The following SYTL3 variants were observed in gnomAD, a reference collection of about 807,000 sequenced individuals.
The protein encoded by SYTL3 is synaptotagmin-like protein 3.
A neutral mutation model predicts 82.1 loss-of-function variants in SYTL3; 88 were observed. The observed-to-expected ratio is 1.07, with a 90% confidence interval of 0.90 to 1.28. The LOEUF is 1.28. SYTL3 is among the 50% of genes most tolerant of loss of function. SYTL3 has a pLI of 0.00. For missense variants in SYTL3, 831 were observed against 757.6 expected, an observed-to-expected ratio of 1.10 and a Z score of -1.14; for synonymous variants, 311 against 289.4, an observed-to-expected ratio of 1.07 and a Z score of -0.76.
chr6:158,749,809 G>A (rs968135930), intron 12 of SYTL3, among the ~76,000 whole-genome samples: 13 of 152,132 alleles, frequency 8.5e-5, no homozygotes, highest in Non-Finnish European at 1.0e-4. Context: ...ATTCTCAAGA[G>A]ACACAAATTG....
intron 15 of SYTL3, among the ~76,000 whole-genome samples, chr6:158,761,797 C>T (rs372371980): frequency 3.9e-5 from 6 of 152,222 alleles, no homozygotes; most frequent in African/African-American, 7.2e-5. Flanking sequence ...ACTCAAACTT[C>T]GGCATCTTCC....
At chr6:158,759,419 G>A (rs1789604932) in intron 14 of SYTL3, among the ~76,000 whole-genome samples, 1 of 152,258 alleles carries the variant, frequency 6.6e-6, no homozygotes, top group Non-Finnish European at 1.5e-5. Context: ...GAGTCCTGAG[G>A]CCTCTGAGGG....
intron 12 of SYTL3, among the ~76,000 whole-genome samples, chr6:158,750,144 A>G (rs1788212555): frequency 6.6e-6 from 1 of 152,252 alleles, no homozygotes; most frequent in Non-Finnish European, 1.5e-5. Context: ...CAAATTATGG[A>G]AGAATGTATA....
intron 2 of SYTL3, among the ~76,000 whole-genome samples, chr6:158,653,894 C>G (rs897850094): frequency 6.6e-6 from 1 of 152,198 alleles, no homozygotes; most frequent in Non-Finnish European, 1.5e-5. Flanking sequence ...ACTGACTGCT[C>G]AGAGACAATA....
chr6:158,663,326 C>T lies in SYTL3; in HGVS notation c.58C>T (p.Gln20Ter). 6.2e-7 allele frequency: 1 copy of T among 1,614,086 alleles called. No individual in the cohort carries two copies. Among genetic ancestry groups the T allele is most frequent in the South Asian group, 1.1e-5 (1 of 91,076 alleles). The change falls in exon 4 of 18, where the codon CAG (glutamine) becomes TAG (stop). Residue 20 changes from glutamine to a stop codon, truncating the protein, a stop_gained. Transcript: ENST00000611299. LOFTEE classifies it high-confidence loss of function. Reference sequence around the variant, plus strand: ...GGAGTTAGAACGCGAGGCCATTCTCCAGGTCCTGTACCGAGACCAGGCGGT... The same window carrying T: ...GGAGTTAGAACGCGAGGCCATTCTCTAGGTCCTGTACCGAGACCAGGCGGT... ...LKELEREAIL[Q>*]VLYRDQAVQN...
chr6:158,653,298 G>A (rs1788262244), intron 2 of SYTL3, among the ~76,000 whole-genome samples: 1 of 151,940 alleles, frequency 6.6e-6, no homozygotes, highest in Non-Finnish European at 1.5e-5. Flanking sequence ...CCTGAGGTTG[G>A]GAGTTTGAGA....
At chr6:158,660,134 G>A (rs1244197449) in intron 2 of SYTL3, among the ~76,000 whole-genome samples, 1 of 151,998 alleles carries the variant, frequency 6.6e-6, no homozygotes, top group African/African-American at 2.4e-5. Flanking sequence ...GCGTGGTGGC[G>A]GGCACCTGTA....
Position 158,702,970 on chromosome 6 carries a change from C to T in SYTL3, c.395-4260C>T, listed in dbSNP as rs986524562. Among the ~76,000 whole-genome samples the T allele has an allele frequency of 7.3e-5, 11 of 151,688 alleles. 1 individual carries two copies. Among genetic ancestry groups the T allele is most frequent in the Non-Finnish European group, 1.5e-4 (10 of 67,940 alleles). The stretch of plus-strand genomic sequence containing the variant: ...GAGATCGAGACCATCCTGGCTAATA[C>T]GGTGAAACCCCATCTCTACTAAAAA... On this transcript the variant is annotated intron_variant, in intron 6 of 17. Transcript: ENST00000611299.
chr6:158,764,620 G>A lies in SYTL3; in HGVS notation c.*16G>A, dbSNP rs770242426. 2.5e-6 allele frequency: 4 copies of A among 1,592,310 alleles called. No homozygotes were observed. The East Asian group carries it at 6.7e-5, about 27-fold the overall frequency. The stretch of plus-strand genomic sequence containing the variant: ...CCTGCACTGACATGAAGGCCTCAAG[G>A]TTCCAGGTTGCAGCAGGCGTGAGGC... On this transcript the variant is annotated 3_prime_UTR_variant, in exon 18 of 18. Coordinates refer to ENST00000611299, the MANE Select transcript of SYTL3 (RefSeq NM_001242394.2).
chr6:158,706,587 C>A (rs1191533412), intron 6 of SYTL3, among the ~76,000 whole-genome samples: 1 of 152,218 alleles, frequency 6.6e-6, no homozygotes, highest in Non-Finnish European at 1.5e-5. Context: ...TCCCAGCCCC[C>A]TGCTGGACGA....
chr6:158,707,367 C>T, intron 7 of SYTL3, 86 bp downstream of exon 7: 1 of 1,094,464 alleles, frequency 9.1e-7, no homozygotes, highest in Admixed American at 2.0e-5. Flanking sequence ...GGTCTCTTGA[C>T]TTTCACATGT....
At chr6:158,697,697 CA>C (rs1780715458) in intron 6 of SYTL3, among the ~76,000 whole-genome samples, 3 of 90,158 alleles carry the variant, frequency 3.3e-5, no homozygotes, top group East Asian at 4.1e-4. Flanking sequence ...AGCCTATATT[CA>C]TTTTTTTTAG....
intron 12 of SYTL3, among the ~76,000 whole-genome samples, chr6:158,748,158 C>T (rs918442016): frequency 7.3e-5 from 11 of 151,304 alleles, no homozygotes; most frequent in Admixed American, 6.6e-4. Context: ...GCAGGGGCCT[C>T]AGTTTTGCCT....
chr6:158,677,200 T>A (rs1778136918), intron 5 of SYTL3, among the ~76,000 whole-genome samples: 1 of 152,070 alleles, frequency 6.6e-6, no homozygotes, highest in Non-Finnish European at 1.5e-5. Flanking sequence ...ATGTGGCACA[T>A]ATACACCATG....
intron 7 of SYTL3, among the ~76,000 whole-genome samples, chr6:158,707,649 C>T (rs572178587): frequency 1.3e-5 from 2 of 152,280 alleles, no homozygotes; most frequent in South Asian, 2.1e-4. Context: ...CAGCGCCTGG[C>T]GCGTTAGAGA....
chr6:158,739,376 A>G (rs1037685501), intron 11 of SYTL3, among the ~76,000 whole-genome samples: 14 of 152,096 alleles, frequency 9.2e-5, no homozygotes, highest in Non-Finnish European at 1.5e-4. Context: ...ATTTTAAGCA[A>G]TGTTATTATG....
At chr6:158,710,276 A>G (rs1245323428) in intron 8 of SYTL3, among the ~76,000 whole-genome samples, 1 of 152,206 alleles carries the variant, frequency 6.6e-6, no homozygotes. Context: ...TTTGTAACTG[A>G]AATATTGTCA....
At chr6:158,645,922 G>T (rs1433503917), upstream of SYTL3, among the ~76,000 whole-genome samples, 1 of 152,086 alleles carries the variant, frequency 6.6e-6, no homozygotes, top group East Asian at 1.9e-4. Flanking sequence ...TAAGGTAGCC[G>T]ACCTCCTCAT....
At chr6:158,756,222 TG>T (rs1438047823) in intron 13 of SYTL3, among the ~76,000 whole-genome samples, 2 of 152,180 alleles carry the variant, frequency 1.3e-5, no homozygotes, top group Non-Finnish European at 2.9e-5. Context: ...CATGCTTGGC[TG>T]GGGAATGGGT....
Sources: gnomAD v4.1 joint callset for allele counts (sites outside exome capture counted in the v4.1 genomes callset) on GRCh38, gnomAD v4.1.1 for gene constraint, MANE v1.5 for transcripts, NCBI Gene and HGNC (gene_info 2026-07-23, HGNC 2026-07-21) for gene names.